Variants in TLE4 observed in about 807,000 individuals in gnomAD.
TLE4 encodes the protein transducin-like enhancer protein 4.
In TLE4, 8 loss-of-function variants were observed where a neutral mutation model predicts 92.8. The observed-to-expected ratio is 0.09, with a 90% CI of 0.05 to 0.16. TLE4 has a LOEUF of 0.16. TLE4 is among the 10% of genes least tolerant of loss of function. The probability of loss-of-function intolerance (pLI) is 1.00; values close to 1 mark genes in which losing one functional copy is unlikely to be tolerated. For missense variants in TLE4, 675 were observed against 997.6 expected, an observed-to-expected ratio of 0.68 and a Z score of 4.36; for synonymous variants, 371 against 374.1, an observed-to-expected ratio of 0.99 and a Z score of 0.10.
At chr9:79,599,453 A>G (rs763446693) in intron 4 of TLE4, among the ~76,000 whole-genome samples, 3 of 152,182 alleles carry the variant, frequency 2.0e-5, no homozygotes, top group East Asian at 1.9e-4. Context: ...TGAAAGGTCC[A>G]CTAGTAATGC....
chr9:79,655,806 T>C lies in TLE4; in HGVS notation c.609+1731T>C, dbSNP rs1042590882. ...ATATAAACATTCCCTGCCTTCTTAT[T>C]ATAAATATATACCTTTAGGCAGTCC... is the stretch of plus-strand genomic sequence containing the variant. On this transcript the variant is annotated intron_variant, in intron 8 of 19. Coordinates refer to ENST00000376552, the MANE Select transcript of TLE4 (RefSeq NM_007005.6). Among the ~76,000 whole-genome samples the C allele has an allele frequency of 2.6e-5, 4 of 152,340 alleles. No individual in the cohort carries two copies. The East Asian group carries it at 7.7e-4, about 29-fold the overall frequency.
At chr9:79,633,119 T>C (rs1257587697) in intron 6 of TLE4, among the ~76,000 whole-genome samples, 1 of 152,206 alleles carries the variant, frequency 6.6e-6, no homozygotes, top group East Asian at 1.9e-4. Context: ...CATAATCTAA[T>C]CTTTCTGCTA....
At chr9:79,648,110 G>A (rs1209201850) in intron 6 of TLE4, among the ~76,000 whole-genome samples, 2 of 152,176 alleles carry the variant, frequency 1.3e-5, no homozygotes, top group African/African-American at 4.8e-5. Flanking sequence ...GCTGATGCTA[G>A]TTTATGGAAA....
chr9:79,708,217 G>A lies in TLE4; in HGVS notation c.1036G>A (p.Val346Ile), dbSNP rs372719540. 5.6e-6 allele frequency: 9 copies of A among 1,614,064 alleles called. No individual in the cohort carries two copies. In the African/African-American group the frequency reaches 1.2e-4, roughly 22 times the overall value. ...TAACTCTACTCCCGGATTGAGGCCT[G>A]TACCTGGAAAACCACCAGGAGTTGA... ...GSNSTPGLRP[V>I]PGKPPGVDPL... is the part of the protein sequence containing the mutation. Residue 346 changes from valine to isoleucine, a missense_variant, in exon 12 of 20, where the codon GTA becomes ATA. This residue lies in a region of TLE4 where 280 missense variants were observed against 287.3 expected (regional missense o/e 0.97). Transcript: ENST00000376552.
intron 6 of TLE4, among the ~76,000 whole-genome samples, chr9:79,638,054 A>G (rs2056344806): frequency 1.3e-5 from 2 of 152,056 alleles, no homozygotes; most frequent in African/African-American, 4.8e-5. Context: ...ACATTCTAGG[A>G]TGGTTGTTCA....
intron 14 of TLE4, among the ~76,000 whole-genome samples, chr9:79,710,959 C>T (rs997940268): frequency 1.3e-5 from 2 of 152,134 alleles, no homozygotes; most frequent in Non-Finnish European, 2.9e-5. Flanking sequence ...TCTTTCTTCT[C>T]GGACCTCCCA....
chr9:79,671,025 G>A (rs747764161), intron 8 of TLE4, among the ~76,000 whole-genome samples: 2 of 150,032 alleles, frequency 1.3e-5, no homozygotes, highest in Non-Finnish European at 3.0e-5. Context: ...AAGTGTGCCA[G>A]GCCACAGGGA....
At chr9:79,573,425 G>T in intron 1 of TLE4, 1 of 1,197,902 alleles carries the variant, frequency 8.3e-7, no homozygotes, top group East Asian at 3.6e-5. Flanking sequence ...CTTTGGCCGG[G>T]GAGGGGAGAC....
chr9:79,624,051 T>C lies in TLE4; in HGVS notation c.316-3323T>C, dbSNP rs530809607. ...GGGTGGAGTGGGAAGAGAGGACAGATTGGGGAGGGGAGGGAAAGTGGAAGA... is the reference window on the plus strand; with the variant it reads ...GGGTGGAGTGGGAAGAGAGGACAGACTGGGGAGGGGAGGGAAAGTGGAAGA... On this transcript the variant is annotated intron_variant, in intron 5 of 19. Coordinates refer to ENST00000376552, the MANE Select transcript of TLE4 (RefSeq NM_007005.6). Among the ~76,000 whole-genome samples the C allele has an allele frequency of 1.3e-4, 19 of 151,544 alleles. No individual in the cohort carries two copies. In the East Asian group the frequency reaches 3.5e-3, roughly 28 times the overall value.
At chr9:79,594,058 C>G (rs2043334554) in intron 4 of TLE4, among the ~76,000 whole-genome samples, 2 of 152,266 alleles carry the variant, frequency 1.3e-5, no homozygotes, top group Admixed American at 1.3e-4. Context: ...TGTTGGTTCC[C>G]AGGCCCCTGA....
At chr9:79,690,856 G>A (rs537562351) in intron 8 of TLE4, among the ~76,000 whole-genome samples, 98 of 133,756 alleles carry the variant, frequency 7.3e-4, no homozygotes, top group Middle Eastern at 5.6e-3. Context: ...GTCTGGTCTC[G>A]AACTCTTGGA....
intron 14 of TLE4, among the ~76,000 whole-genome samples, chr9:79,711,731 G>A (rs1212080279): frequency 2.0e-5 from 3 of 152,170 alleles, no homozygotes; most frequent in Non-Finnish European, 4.4e-5. Context: ...TGAGTCTTGG[G>A]CTGACTTCCC....
At chr9:79,625,077 T>TG (rs1277546656) in intron 5 of TLE4, among the ~76,000 whole-genome samples, 1 of 131,774 alleles carries the variant, frequency 7.6e-6, no homozygotes, top group Non-Finnish European at 1.6e-5. Context: ...TGGAGTGCAG[T>TG]GGCGGGATCT....
chr9:79,656,785 C>T (rs2059844905), intron 8 of TLE4, among the ~76,000 whole-genome samples: 1 of 152,120 alleles, frequency 6.6e-6, no homozygotes, highest in Non-Finnish European at 1.5e-5. Context: ...TTCAGAATAG[C>T]TTATAAACTA....
At chr9:79,624,832 C>A (rs933627552) in intron 5 of TLE4, among the ~76,000 whole-genome samples, 1 of 152,104 alleles carries the variant, frequency 6.6e-6, no homozygotes, top group East Asian at 1.9e-4. Context: ...GGAAACTATT[C>A]TTTGAATACT....
intron 4 of TLE4, among the ~76,000 whole-genome samples, chr9:79,597,749 G>C (rs1334233620): frequency 1.3e-5 from 2 of 152,098 alleles, no homozygotes; most frequent in Non-Finnish European, 2.9e-5. Context: ...AGTTACTCTT[G>C]CATTTGTTTA....
intron 5 of TLE4, 97 bp downstream of exon 5, chr9:79,612,815 T>A (rs2133076169): frequency 1.0e-6 from 1 of 996,500 alleles, no homozygotes; most frequent in South Asian, 1.3e-5. Context: ...CTTGCCAGTC[T>A]CTTGGTGTTT....
intron 8 of TLE4, among the ~76,000 whole-genome samples, chr9:79,677,351 A>G (rs2135118235): frequency 6.6e-6 from 1 of 152,248 alleles, no homozygotes; most frequent in South Asian, 2.1e-4. Flanking sequence ...TTGAAGATGT[A>G]TCCATGACAG....
chr9:79,645,595 C>T (rs930668584), intron 6 of TLE4, among the ~76,000 whole-genome samples: 1 of 152,158 alleles, frequency 6.6e-6, no homozygotes, highest in African/African-American at 2.4e-5. Context: ...CCTTTTCTGC[C>T]CTTTGTGCCA....
Sources: allele counts gnomAD v4.1 joint callset (sites outside exome capture counted in the v4.1 genomes callset), GRCh38; gene constraint gnomAD v4.1.1; regional missense constraint gnomAD v4.1.1; transcripts MANE v1.5; gene names NCBI Gene and HGNC (gene_info 2026-07-23, HGNC 2026-07-21).